GABRA4: variants seen among roughly 807,000 people sequenced by gnomAD.
The protein encoded by GABRA4 is gamma-aminobutyric acid receptor subunit alpha-4.
GABRA4 carries 12 observed loss-of-function variants against 49.7 expected under a neutral mutation model. That is an observed-to-expected ratio of 0.24 (90% CI 0.15 to 0.39). The LOEUF (loss-of-function observed/expected upper bound fraction) is 0.39. Among genes scored for constraint, GABRA4 ranks in the 10% least tolerant of loss-of-function variants. The pLI is 1.00. For synonymous variants in GABRA4, 288 were observed against 240.2 expected, an observed-to-expected ratio of 1.20 and a Z score of -1.84; for missense variants, 506 against 686.0, an observed-to-expected ratio of 0.74 and a Z score of 2.93.
Position 46,943,776 on chromosome 4 carries a change from C to T in GABRA4, c.1135-15021G>A, listed in dbSNP as rs984029349. Among the ~76,000 whole-genome samples the T allele has an allele frequency of 2.0e-5, 3 of 152,236 alleles. No homozygotes were observed. In the South Asian group the frequency reaches 6.2e-4, roughly 32 times the overall value. On this transcript the variant is annotated intron_variant, in intron 8 of 8. Transcript: ENST00000264318. The stretch of plus-strand genomic sequence containing the variant: ...CTCTGCCTGAGGGACATACTGCCTA[C>T]AGAATCTTTATAAACATTATTTATT...
chr4:46,974,260 T>C lies in GABRA4; in HGVS notation c.693A>G (p.Val231=). The C allele has an allele frequency of 6.2e-7, 1 of 1,611,064 alleles. No individual in the cohort carries two copies. Among genetic ancestry groups the C allele is most frequent in the Non-Finnish European group, 8.5e-7 (1 of 1,178,190 alleles). ...TAATTGATTTGATGGTTTCACTTGA[T>C]ACGGTTTGCCCAATCAAATCATATT... ...LVQYDLIGQT[V]SSETIKSITG... The change falls in exon 6 of 9, where the codon GTA becomes GTG. Residue 231 remains valine, a synonymous_variant. Transcript: ENST00000264318.
chr4:46,947,872 G>A (rs1722034279), intron 8 of GABRA4, among the ~76,000 whole-genome samples: 1 of 152,084 alleles, frequency 6.6e-6, no homozygotes, highest in African/African-American at 2.4e-5. Context: ...TTTGGAGGCT[G>A]GCTGGACTCA....
chr4:46,945,775 C>T (rs755755187), intron 8 of GABRA4, among the ~76,000 whole-genome samples: 6 of 152,082 alleles, frequency 3.9e-5, no homozygotes, highest in African/African-American at 7.2e-5. Context: ...GCTAAAAGAA[C>T]ACCTTAAAAC....
chr4:46,938,270 T>C (rs146722501), intron 8 of GABRA4, among the ~76,000 whole-genome samples: 53 of 152,220 alleles, frequency 3.5e-4, no homozygotes, highest in African/African-American at 1.2e-3. Flanking sequence ...GCACAATGCT[T>C]TATTCTTAAT....
In GABRA4 at chr4:46,982,782, T is replaced by A. The variant is rs571270467; in HGVS notation, c.206-3684A>T. ...TTCTGACAATGGTATTGACAATACATTACAGGGAAGCAAAAGTAGAAGAAG... is the reference window on the plus strand; with the variant it reads ...TTCTGACAATGGTATTGACAATACAATACAGGGAAGCAAAAGTAGAAGAAG... On this transcript the variant is annotated intron_variant, in intron 2 of 8. Transcript: ENST00000264318. Among the ~76,000 whole-genome samples, 24 of 152,118 alleles carry A rather than the reference T, an allele frequency of 1.6e-4. 2 individuals are homozygous for A. Among genetic ancestry groups the A allele is most frequent in the African/African-American group, 5.1e-4 (21 of 41,512 alleles).
Position 46,992,921 on chromosome 4 carries a change from G to T in GABRA4, c.112C>A (p.Gln38Lys). 6.2e-7 allele frequency: 1 copy of T among 1,612,418 alleles called. No homozygotes were observed. Among genetic ancestry groups the T allele is most frequent in the Non-Finnish European group, 8.5e-7 (1 of 1,179,252 alleles). ...VCLNESPGQN[Q>K]KEEKLCTENF... ...TCTGTGCACAATTTCTCCTCCTTTT[G>T]GTTCTGTCCTGGGGATTCGTTTAAA... The change falls in exon 2 of 9, where the codon CAA (glutamine) becomes AAA (lysine). Residue 38 changes from glutamine (Q) to lysine (K), a missense_variant. By Grantham distance (53) the Gln-to-Lys change is moderately conservative. Coordinates refer to ENST00000264318, the MANE Select transcript of GABRA4 (RefSeq NM_000809.4).
chr4:46,955,013 GCA>G lies in GABRA4; in HGVS notation c.1134+9955_1134+9956del, dbSNP rs141618582. 3.4e-3 allele frequency among the ~76,000 whole-genome samples: 515 copies of G among 152,252 alleles called. 20 individuals carry two copies. In the East Asian group the frequency reaches 0.085, roughly 25 times the overall value. On this transcript the variant is annotated intron_variant, in intron 8 of 8. Transcript: ENST00000264318. ...AGAGATAATTCATGTAAAGCAACTAGCACAGTATGTAGCACATAGTAGGTACT... is the reference window on the plus strand; with the variant it reads ...AGAGATAATTCATGTAAAGCAACTAGCAGTATGTAGCACATAGTAGGTACT...
At chr4:46,937,030 T>G (rs150936629) in intron 8 of GABRA4, among the ~76,000 whole-genome samples, 1,667 of 152,254 alleles carry the variant, frequency 0.011, 26 homozygotes, top group African/African-American at 0.038. Flanking sequence ...AAAACTGAAC[T>G]CTCCACATGA....
At chr4:46,952,220 ATAGTCT>A (rs1239606689) in intron 8 of GABRA4, among the ~76,000 whole-genome samples, 6 of 152,078 alleles carry the variant, frequency 3.9e-5, no homozygotes, top group Non-Finnish European at 8.8e-5. Context: ...GAGAAGGAAT[ATAGTCT>A]TACAGAACAA....
chr4:46,935,294 A>T (rs1721568895), intron 8 of GABRA4, among the ~76,000 whole-genome samples: 1 of 152,164 alleles, frequency 6.6e-6, no homozygotes, highest in East Asian at 1.9e-4. Context: ...TAGCCTCTCA[A>T]AACCTCAAAG....
At chr4:46,954,783 A>G (rs921429830) in intron 8 of GABRA4, among the ~76,000 whole-genome samples, 2 of 152,136 alleles carry the variant, frequency 1.3e-5, no homozygotes, top group Non-Finnish European at 2.9e-5. Flanking sequence ...GCCTGCCTGC[A>G]GTTATTTCTA....
rs1422214518 is a variant in GABRA4, at chr4:46,922,730, A to T, written c.*5495T>A. On this transcript the variant is annotated 3_prime_UTR_variant, in exon 9 of 9. Coordinates refer to ENST00000264318, the MANE Select transcript of GABRA4 (RefSeq NM_000809.4). ...TAACCATTATGAAGTTGAAAAGTAC[A>T]TTGGAAGTTACAAAATAGAATAATC... 1 of 152,136 alleles carries T rather than the reference A, an allele frequency of 6.6e-6. No homozygotes were observed. Among genetic ancestry groups the T allele is most frequent in the Non-Finnish European group, 1.5e-5 (1 of 68,024 alleles). The allele number at this position is 152,136 out of a possible 1,614,324, so 9.4% of individuals were successfully genotyped here.
intron 8 of GABRA4, among the ~76,000 whole-genome samples, chr4:46,942,817 C>A (rs1721854127): frequency 1.3e-5 from 2 of 151,974 alleles, no homozygotes; most frequent in Admixed American, 1.3e-4. Flanking sequence ...TAGGGTTTAG[C>A]TGTCAGTTAT....
intron 8 of GABRA4, among the ~76,000 whole-genome samples, chr4:46,957,550 G>A (rs904552774): frequency 7.9e-5 from 12 of 151,874 alleles, no homozygotes; most frequent in Admixed American, 1.3e-4. Flanking sequence ...AAAGAAAGTC[G>A]TTATTATGGG....
At chr4:46,988,501 T>C (rs976534994) in intron 2 of GABRA4, among the ~76,000 whole-genome samples, 3 of 152,206 alleles carry the variant, frequency 2.0e-5, no homozygotes, top group Admixed American at 6.5e-5. Flanking sequence ...TCTATTGACA[T>C]TTAATTAATA....
intron 2 of GABRA4, 88 bp from the exon 3 acceptor site, chr4:46,979,186 T>A (rs1459657962): frequency 2.6e-6 from 2 of 767,744 alleles, no homozygotes; most frequent in African/African-American, 3.5e-5. Flanking sequence ...TAAATACAGA[T>A]ATGATATATC....
At chr4:46,986,752 A>T (rs748696603) in intron 2 of GABRA4, among the ~76,000 whole-genome samples, 1 of 152,116 alleles carries the variant, frequency 6.6e-6, no homozygotes, top group South Asian at 2.1e-4. Context: ...CAAATTGCTC[A>T]TCTATGCCCC....
intron 8 of GABRA4, among the ~76,000 whole-genome samples, chr4:46,958,247 A>G (rs1722436067): frequency 6.6e-6 from 1 of 151,898 alleles, no homozygotes; most frequent in African/African-American, 2.4e-5. Context: ...CATCTGTAAA[A>G]TAGTTATTGT....
At chr4:46,974,489 TTCACTATAATTTAG>T (rs1035837920) in intron 5 of GABRA4, 114 bp from the exon 6 acceptor site, 27 of 1,007,222 alleles carry the variant, frequency 2.7e-5, no homozygotes, top group Non-Finnish European at 3.5e-5. Context: ...GAAAACAATG[TTCACTATAATTTAG>T]TCACTATAAT....
Sources: allele counts gnomAD v4.1 joint callset (sites outside exome capture counted in the v4.1 genomes callset), GRCh38; gene constraint gnomAD v4.1.1; transcripts MANE v1.5; gene names NCBI Gene and HGNC (gene_info 2026-07-23, HGNC 2026-07-21).